The following CHST8 variants were observed in gnomAD, a reference collection of about 807,000 sequenced individuals.
CHST8 encodes GALNAC-4-ST1.
In CHST8, 10 loss-of-function variants were observed where a neutral mutation model predicts 15.0. The observed-to-expected ratio is 0.67, with a 90% CI of 0.41 to 1.13. The LOEUF (loss-of-function observed/expected upper bound fraction) is 1.13. Ranked by LOEUF, CHST8 falls within the 50% of genes most tolerant of loss-of-function variation. CHST8 has a pLI of 0.00. For synonymous variants in CHST8, 259 were observed against 256.6 expected, an observed-to-expected ratio of 1.01 and a Z score of -0.09; for missense variants, 634 against 608.2, an observed-to-expected ratio of 1.04 and a Z score of -0.45.
At chr19:33,682,771 T>TG (rs1001612910) in intron 2 of CHST8, among the ~76,000 whole-genome samples, 28 of 152,222 alleles carry the variant, frequency 1.8e-4, no homozygotes, top group Admixed American at 9.8e-4. Flanking sequence ...TGTAATTTTT[T>TG]GGGGGGGTTC....
intron 1 of CHST8, among the ~76,000 whole-genome samples, 199 bp downstream of exon 1, chr19:33,622,495 C>A (rs1600219819): frequency 6.6e-6 from 1 of 152,196 alleles, no homozygotes; most frequent in South Asian, 2.1e-4. Flanking sequence ...TGGGGACCGG[C>A]CCCGGTAGCG....
chr19:33,656,818 CAT>C (rs1194167259), intron 1 of CHST8, among the ~76,000 whole-genome samples: 1 of 152,136 alleles, frequency 6.6e-6, no homozygotes, highest in Non-Finnish European at 1.5e-5. Context: ...GGATTACAGA[CAT>C]GTGTGGTTAG....
At chr19:33,762,864 CTT>C (rs967177736) in intron 3 of CHST8, among the ~76,000 whole-genome samples, 6 of 116,364 alleles carry the variant, frequency 5.2e-5, no homozygotes, top group Admixed American at 9.2e-5. Context: ...AGTTTTCTCT[CTT>C]TTTTTTTTTT....
At position 33,770,630 on chromosome 19, in the gene CHST8, G is replaced by A. The variant is rs565161715; in HGVS notation, c.131-783G>A. ...TGCTTCTTAGGTGAGCCCAGCCCAG[G>A]CATGGGCCTCCTTGGTAGGCAGAGG... is the stretch of plus-strand genomic sequence containing the variant. On this transcript the variant is annotated intron_variant, in intron 3 of 4. Coordinates refer to ENST00000650847, the MANE Select transcript of CHST8 (RefSeq NM_001127895.2). Among the ~76,000 whole-genome samples, 70 of 152,348 alleles carry A rather than the reference G, an allele frequency of 4.6e-4. No individual in the cohort carries two copies. In the South Asian group the frequency reaches 6.8e-3, roughly 15 times the overall value.
intron 3 of CHST8, among the ~76,000 whole-genome samples, chr19:33,751,738 G>A (rs1240513531): frequency 6.6e-6 from 1 of 152,248 alleles, no homozygotes; most frequent in African/African-American, 2.4e-5. Flanking sequence ...GGATGAGGGT[G>A]ACCCACTTAA....
chr19:33,767,668 A>T (rs1174356738), intron 3 of CHST8, among the ~76,000 whole-genome samples: 1 of 152,016 alleles, frequency 6.6e-6, no homozygotes, highest in Non-Finnish European at 1.5e-5. Flanking sequence ...GTGCGGGGGG[A>T]TGGAGCTCCC....
Position 33,675,519 on chromosome 19 carries a change from C to T in CHST8, c.-87+7676C>T, listed in dbSNP as rs114574469. Among the ~76,000 whole-genome samples, 746 of 152,322 alleles carry T rather than the reference C, an allele frequency of 4.9e-3. 7 individuals carry two copies. The highest frequency in any genetic ancestry group is 0.017 in the African/African-American group (722 of 41,570). On this transcript the variant is annotated intron_variant, in intron 2 of 4. Coordinates refer to ENST00000650847, the MANE Select transcript of CHST8 (RefSeq NM_001127895.2). ...TTCTCGCTTCCAAAAACATCCTGGT[C>T]TAGGCAGAGTTTGTGTCCAATGCGT...
intron 1 of CHST8, among the ~76,000 whole-genome samples, chr19:33,642,229 G>A (rs1329012165): frequency 6.6e-6 from 1 of 152,204 alleles, no homozygotes; most frequent in Non-Finnish European, 1.5e-5. Context: ...GACTGGCTGG[G>A]CTCTGTGTGC....
chr19:33,757,657 G>T (rs1440097581), intron 3 of CHST8, among the ~76,000 whole-genome samples: 1 of 151,828 alleles, frequency 6.6e-6, no homozygotes, highest in African/African-American at 2.4e-5. Context: ...GTATCCAGGG[G>T]AGGTGATGTC....
chr19:33,766,667 C>G (rs937828943), intron 3 of CHST8, among the ~76,000 whole-genome samples: 6 of 152,228 alleles, frequency 3.9e-5, no homozygotes, highest in African/African-American at 1.4e-4. Flanking sequence ...GCTCAGAATC[C>G]GGGTACTGCA....
At chr19:33,706,762 G>T (rs576049640) in intron 3 of CHST8, among the ~76,000 whole-genome samples, 8 of 152,314 alleles carry the variant, frequency 5.3e-5, no homozygotes, top group African/African-American at 1.9e-4. Context: ...GCCAGAAGTA[G>T]CGGCAGTAAT....
chr19:33,724,764 C>A (rs1358191565), intron 3 of CHST8, among the ~76,000 whole-genome samples: 3 of 152,192 alleles, frequency 2.0e-5, no homozygotes, highest in Non-Finnish European at 4.4e-5. Context: ...AGCTCCCCAG[C>A]CAGGTGGCAC....
chr19:33,725,463 G>A (rs934902621), intron 3 of CHST8, among the ~76,000 whole-genome samples: 1 of 152,186 alleles, frequency 6.6e-6, no homozygotes, highest in Non-Finnish European at 1.5e-5. Flanking sequence ...GGTCCCTGCT[G>A]AGCCCTGCGT....
chr19:33,732,969 A>T (rs1401711049), intron 3 of CHST8, among the ~76,000 whole-genome samples: 1 of 152,046 alleles, frequency 6.6e-6, no homozygotes, highest in African/African-American at 2.4e-5. Context: ...TTTTATTAGG[A>T]TTGCATTATG....
rs28802955 is a variant in CHST8 at position 33,650,513 on chromosome 19, C to T, written c.-163-17254C>T. ...TTCTTTTCTTTTTCTTTTTCTTTTT[C>T]TTTTCTTTTTTTTTTTTTTTTTTTT... is the stretch of plus-strand genomic sequence containing the variant. On this transcript the variant is annotated intron_variant, in intron 1 of 4. Transcript: ENST00000650847. Among the ~76,000 whole-genome samples, 342 of 36,578 alleles carry T rather than the reference C, an allele frequency of 9.3e-3. 1 individual carries two copies. Among genetic ancestry groups the T allele is most frequent in the African/African-American group, 0.027 (205 of 7,482 alleles). 24.0% of individuals were successfully genotyped at this position (36,578 alleles called of 152,430 possible).
At chr19:33,757,486 GAAAGAAAGAAAGAAAGAAAGAAAGAAAGA>G (rs1974598812) in intron 3 of CHST8, among the ~76,000 whole-genome samples, 1 of 45,212 alleles carries the variant, frequency 2.2e-5, no homozygotes, top group Non-Finnish European at 4.4e-5. Flanking sequence ...AAGAAAGAAA[GAAAGAAAGAAAGAAAGAAAGAAAGAAAGA>G]AAGAAAGAGA....
intron 3 of CHST8, among the ~76,000 whole-genome samples, chr19:33,704,738 C>T (rs987551801): frequency 2.0e-5 from 3 of 152,112 alleles, no homozygotes; most frequent in Non-Finnish European, 4.4e-5. Context: ...GGTGAAACCC[C>T]ATCTCTACTA....
chr19:33,627,649 G>A (rs1478327036), intron 1 of CHST8, among the ~76,000 whole-genome samples: 3 of 152,246 alleles, frequency 2.0e-5, no homozygotes, highest in African/African-American at 7.2e-5. Context: ...GCCATGACCA[G>A]TGTTGGCCCT....
Position 33,661,418 on chromosome 19 carries a change from C to T in CHST8, c.-163-6349C>T, listed in dbSNP as rs17761253. On this transcript the variant is annotated intron_variant, in intron 1 of 4. Coordinates refer to ENST00000650847, the MANE Select transcript of CHST8 (RefSeq NM_001127895.2). Reference sequence around the variant, plus strand: ...TATGCGACCCAGTGGGATTTTCACCCGAGTCCTCTGTCTCTGGTCCCTTGT... The same window carrying T: ...TATGCGACCCAGTGGGATTTTCACCTGAGTCCTCTGTCTCTGGTCCCTTGT... 9.8e-4 allele frequency among the ~76,000 whole-genome samples: 149 copies of T among 152,346 alleles called. 2 individuals carry two copies. The East Asian group carries it at 0.017, about 18-fold the overall frequency.
Sources: gnomAD v4.1 joint callset for allele counts (sites outside exome capture counted in the v4.1 genomes callset) on GRCh38, gnomAD v4.1.1 for gene constraint, MANE v1.5 for transcripts, NCBI Gene and HGNC (gene_info 2026-07-23, HGNC 2026-07-21) for gene names.